Variants in NOP14 observed in about 807,000 individuals in gnomAD.
NOP14 encodes NOP14 nucleolar protein, also known as nucleolar protein 14.
A neutral mutation model predicts 101.6 loss-of-function variants in NOP14; 57 were observed. The observed-to-expected ratio is 0.56, with a 90% CI of 0.45 to 0.70. The LOEUF is 0.70. NOP14 is among the 30% of genes least tolerant of loss of function. The probability of loss-of-function intolerance (pLI) is 0.00; values close to 1 mark genes in which losing one functional copy is unlikely to be tolerated. For missense variants in NOP14, 1,134 were observed against 1,075.5 expected (o/e 1.05, Z -0.76); for synonymous variants, 428 against 424.0 (o/e 1.01, Z -0.12).
rs116332552 is a variant in NOP14, at chr4:2,945,003, C to T, written c.1737+125G>A. Reference sequence around the variant, plus strand: ...TTAGATGGGCCCTCTTTGGCCTAACCGCAGTGCTCGGTCTCTGCAGCCCTT... The same window carrying T: ...TTAGATGGGCCCTCTTTGGCCTAACTGCAGTGCTCGGTCTCTGCAGCCCTT... On this transcript the variant is annotated intron_variant, in intron 12 of 17. Transcript: ENST00000416614. 1,418 of 649,270 alleles carry T rather than the reference C, an allele frequency of 2.2e-3. 18 individuals carry two copies. The African/African-American group carries it at 0.023, about 11-fold the overall frequency. The allele number at this position is 649,270 out of a possible 1,614,324, so 40.2% of individuals were successfully genotyped here.
chr4:2,938,649 G>A lies in NOP14; in HGVS notation c.*182C>T, dbSNP rs1217414059. On this transcript the variant is annotated 3_prime_UTR_variant, in exon 18 of 18. Transcript: ENST00000416614. ...GCCTCCCGAGTAGTTGGGACTACAG[G>A]TGCGTGCCACCACACTTGGCTAATT... 3 of 587,498 alleles carry A rather than the reference G, an allele frequency of 5.1e-6. No homozygotes were observed. Among genetic ancestry groups the A allele is most frequent in the African/African-American group, 1.9e-5 (1 of 53,644 alleles). The allele number at this position is 587,498 out of a possible 1,614,324, so 36.4% of individuals were successfully genotyped here. A position where few individuals can be genotyped will look rare whatever the true frequency, so the allele number is the denominator to read the frequency against.
intron 13 of NOP14, among the ~76,000 whole-genome samples, chr4:2,943,422 C>T (rs1174539074): frequency 2.6e-5 from 4 of 152,246 alleles, no homozygotes. Flanking sequence ...GGCTGTGCAG[C>T]TCCTCACCCC....
chr4:2,949,705 C>T (rs142431454), intron 8 of NOP14, among the ~76,000 whole-genome samples: 4 of 152,246 alleles, frequency 2.6e-5, no homozygotes, highest in East Asian at 3.9e-4. Flanking sequence ...TAGAGAGAGG[C>T]GCATCTGGCC....
At chr4:2,950,885 AGAGT>A (rs3832272) in intron 7 of NOP14, 99,824 of 438,470 alleles carry the variant, frequency 0.23, 11,624 homozygotes, top group South Asian at 0.37. Flanking sequence ...ACAGAGAGAG[AGAGT>A]GAGAAAGAGA....
rs191256331 is a variant in NOP14 at position 2,951,028 on chromosome 4, G to C, written c.1002+86C>G. On this transcript the variant is annotated intron_variant, in intron 7 of 17. Transcript: ENST00000416614. ...TTAAAAAGATTTAAAATTCCCAACTGTAATAAATCCCTAAAATGAATACCA... is the reference window on the plus strand; with the variant it reads ...TTAAAAAGATTTAAAATTCCCAACTCTAATAAATCCCTAAAATGAATACCA... The C allele has an allele frequency of 1.1e-4, 133 of 1,260,094 alleles. 1 individual carries two copies. In the African/African-American group the frequency reaches 1.6e-3, roughly 15 times the overall value. 78.1% of individuals were successfully genotyped at this position (1,260,094 alleles called of 1,614,324 possible).
At chr4:2,950,376 C>A in intron 7 of NOP14, 163 bp from the exon 8 acceptor site, 1 of 693,004 alleles carries the variant, frequency 1.4e-6, no homozygotes, top group Non-Finnish European at 2.4e-6. Context: ...GCCTCCTGCC[C>A]ACCACCCGCT....
rs759956750 is a variant in NOP14 at position 2,954,497 on chromosome 4, C to T, written c.539G>A (p.Gly180Asp). Residue 180 changes from glycine to aspartate, a missense_variant, in exon 4 of 18, where the codon GGC becomes GAC. Transcript: ENST00000416614. Reference sequence around the variant, plus strand: ...GGACTTCGGTTTCTCCCGCTCCTCGCCTTCCTGTTGAGTCTTCTTGTGAAG... The same window carrying T: ...GGACTTCGGTTTCTCCCGCTCCTCGTCTTCCTGTTGAGTCTTCTTGTGAAG... ...GLLHKKTQQEGEEREKPKSRK... is the reference protein window; with the variant it reads ...GLLHKKTQQEDEEREKPKSRK... 1.2e-6 allele frequency: 2 copies of T among 1,614,090 alleles called. No homozygotes were observed. Among genetic ancestry groups the T allele is most frequent in the Non-Finnish European group, 1.7e-6 (2 of 1,180,036 alleles).
At chr4:2,960,223 C>T (rs1020285292) in intron 1 of NOP14, among the ~76,000 whole-genome samples, 3 of 152,138 alleles carry the variant, frequency 2.0e-5, no homozygotes, top group East Asian at 1.9e-4. Flanking sequence ...CTGCCTGCCT[C>T]GGCCTCCCAA....
intron 5 of NOP14, among the ~76,000 whole-genome samples, chr4:2,952,872 G>A (rs1473533215): frequency 6.6e-6 from 1 of 152,246 alleles, no homozygotes; most frequent in African/African-American, 2.4e-5. Context: ...GAACCCAGGA[G>A]GTGGAGGTTG....
chr4:2,961,492 C>A (rs1351224810), intron 1 of NOP14: 3 of 152,170 alleles, frequency 2.0e-5, no homozygotes, highest in Non-Finnish European at 4.4e-5. Flanking sequence ...AGCCTGTTTA[C>A]TTCTAAGGGA....
chr4:2,963,384 G>C lies in NOP14; in HGVS notation c.-65C>G, dbSNP rs558289635. On this transcript the variant is annotated 5_prime_UTR_variant, in exon 1 of 18. Coordinates refer to ENST00000416614, the MANE Select transcript of NOP14 (RefSeq NM_001291978.2). ...GAGAGACAGGCGCGCGCTACCCTAAGACACGTGCCGGGCCGCGGAACCGCT... is the reference window on the plus strand; with the variant it reads ...GAGAGACAGGCGCGCGCTACCCTAACACACGTGCCGGGCCGCGGAACCGCT... The C allele has an allele frequency of 1.5e-5, 22 of 1,439,798 alleles. No homozygotes were observed. Among genetic ancestry groups the C allele is most frequent in the Non-Finnish European group, 1.9e-5 (21 of 1,097,808 alleles). The allele number at this position is 1,439,798 out of a possible 1,614,324, so 89.2% of individuals were successfully genotyped here.
intron 1 of NOP14, among the ~76,000 whole-genome samples, chr4:2,960,056 A>G (rs1269355): frequency 0.84 from 127,552 of 151,716 alleles, 54,164 homozygotes; most frequent in African/African-American, 0.95. Flanking sequence ...TACAACCTCC[A>G]CCTGCCGGGT....
intron 13 of NOP14, among the ~76,000 whole-genome samples, chr4:2,943,157 C>T (rs1401805511): frequency 6.6e-6 from 1 of 152,246 alleles, no homozygotes; most frequent in Non-Finnish European, 1.5e-5. Flanking sequence ...GCCTGACAGA[C>T]AGGAGCCTTG....
At position 2,954,446 on chromosome 4, in the gene NOP14, A is replaced by G. The variant is rs752956060; in HGVS notation, c.590T>C (p.Ile197Thr). The G allele has an allele frequency of 2.5e-6, 4 of 1,614,156 alleles. No homozygotes were observed. In the South Asian group the frequency reaches 4.4e-5, roughly 18 times the overall value. The change falls in exon 4 of 18, where the codon ATT (isoleucine) becomes ACT (threonine). Residue 197 changes from isoleucine to threonine, a missense_variant. By Grantham distance (89) the Ile-to-Thr change is moderately conservative. Coordinates refer to ENST00000416614, the MANE Select transcript of NOP14 (RefSeq NM_001291978.2). Reference sequence around the variant, plus strand: ...CACCTTCTCTTGTTTTGACTTGGCAATGAGCTCTTCAATCAGCTCTTTCCG... The same window carrying G: ...CACCTTCTCTTGTTTTGACTTGGCAGTGAGCTCTTCAATCAGCTCTTTCCG... ...KSRKELIEEL[I>T]AKSKQEKRER...
At chr4:2,960,681 TTAA>T (rs1246082108) in intron 1 of NOP14, among the ~76,000 whole-genome samples, 1 of 132,480 alleles carries the variant, frequency 7.5e-6, no homozygotes, top group Non-Finnish European at 1.6e-5. Context: ...TAATATTATA[TTAA>T]TATTATAATC....
At chr4:2,951,591 A>G (rs966816729) in intron 6 of NOP14, among the ~76,000 whole-genome samples, 6 of 152,050 alleles carry the variant, frequency 3.9e-5, no homozygotes, top group Non-Finnish European at 8.8e-5. Flanking sequence ...GGACGCCAAG[A>G]GCAAGCAGCT....
chr4:2,948,078 G>C (rs1213624627), intron 9 of NOP14, among the ~76,000 whole-genome samples, 200 bp downstream of exon 9: 1 of 152,254 alleles, frequency 6.6e-6, no homozygotes, highest in Non-Finnish European at 1.5e-5. Context: ...ACGAGGCCTA[G>C]AGAGGGGCCA....
At chr4:2,948,157 C>CG in intron 9 of NOP14, 121 bp downstream of exon 9, 2 of 1,235,664 alleles carry the variant, frequency 1.6e-6, no homozygotes, top group Non-Finnish European at 2.2e-6. Flanking sequence ...AACCATGTGA[C>CG]GGGCTGGCCC....
At chr4:2,942,101 T>C (rs1027743741) in intron 14 of NOP14, 91 bp downstream of exon 14, 3 of 1,361,642 alleles carry the variant, frequency 2.2e-6, no homozygotes, top group Non-Finnish European at 3.0e-6. Context: ...GCAAGTTCAC[T>C]AAGAACAGCA....
Sources: gnomAD v4.1 joint callset for allele counts (sites outside exome capture counted in the v4.1 genomes callset) on GRCh38, gnomAD v4.1.1 for gene constraint, MANE v1.5 for transcripts, NCBI Gene and HGNC (gene_info 2026-07-23, HGNC 2026-07-21) for gene names.